Variants in ITLN2 observed in about 807,000 individuals in gnomAD.
ITLN2 encodes intelectin-2.
Under a neutral mutation model 39.4 loss-of-function variants are expected in ITLN2, and 29 were observed. The observed-to-expected ratio is 0.74, with a 90% CI of 0.55 to 1.00. The LOEUF is 1.00. Ranked by LOEUF, ITLN2 falls within the 50% of genes least tolerant of loss-of-function variation. ITLN2 has a pLI of 0.00. For synonymous variants in ITLN2, 156 were observed against 153.4 expected (o/e 1.02, Z -0.12); for missense variants, 412 against 416.7 (o/e 0.99, Z 0.10).
At chr1:160,954,321 C>T in intron 2 of ITLN2, 66 bp downstream of exon 2, 2 of 1,222,896 alleles carry the variant, frequency 1.6e-6, no homozygotes, top group South Asian at 1.3e-5. Flanking sequence ...GCTCTACTCC[C>T]TCCAGGCCCT....
intron 4 of ITLN2, 50 bp downstream of exon 4, chr1:160,950,993 C>T (rs1334800989): frequency 6.2e-7 from 1 of 1,613,990 alleles, no homozygotes; most frequent in Admixed American, 1.7e-5. Flanking sequence ...TGGTGGCCAG[C>T]CACACTCCAC....
At chr1:160,950,810 A>T in intron 4 of ITLN2, 99 bp from the exon 5 acceptor site, 2 of 1,531,242 alleles carry the variant, frequency 1.3e-6, no homozygotes, top group Non-Finnish European at 1.8e-6. Flanking sequence ...CTCTGGGATC[A>T]GTAGGCAGAT....
In ITLN2 at chr1:160,951,196, G is replaced by A. The variant is rs778644686; in HGVS notation, c.288C>T (p.Ser96=). ...SGGGGWTLVA[S]VHENDMRGKC... Reference sequence around the variant, plus strand: ...TCCCACGCATGTCATTCTCGTGCACGCTGGCCACCAGGGTCCAGCCGCCAC... The same window carrying A: ...TCCCACGCATGTCATTCTCGTGCACACTGGCCACCAGGGTCCAGCCGCCAC... The change falls in exon 4 of 8, where the codon AGC becomes AGT. Residue 96 remains serine (S), a synonymous_variant. Transcript: ENST00000368029. The A allele has an allele frequency of 1.2e-5, 20 of 1,613,896 alleles. No individual in the cohort carries two copies. Among genetic ancestry groups the A allele is most frequent in the Admixed American group, 3.3e-5 (2 of 59,990 alleles).
intron 2 of ITLN2, among the ~76,000 whole-genome samples, chr1:160,953,377 A>C (rs1671788606): frequency 6.6e-6 from 1 of 152,204 alleles, no homozygotes; most frequent in South Asian, 2.1e-4. Flanking sequence ...AAAGCCTAGA[A>C]ATCATTCCAA....
At chr1:160,950,773 C>T (rs1486105302) in intron 4 of ITLN2, 62 bp from the exon 5 acceptor site, 26 of 1,568,762 alleles carry the variant, frequency 1.7e-5, no homozygotes, top group Middle Eastern at 2.0e-4. Context: ...AGAAGGTCCA[C>T]ATGTGCAGCC....
At chr1:160,953,749 C>G (rs1671801114) in intron 2 of ITLN2, among the ~76,000 whole-genome samples, 1 of 152,028 alleles carries the variant, frequency 6.6e-6, no homozygotes, top group Non-Finnish European at 1.5e-5. Flanking sequence ...AAAATCCAGA[C>G]AAACCCTGAT....
rs552414777 is a variant in ITLN2 at position 160,951,680 on chromosome 1, C to A, written c.194-390G>T. Among the ~76,000 whole-genome samples the A allele has an allele frequency of 1.2e-3, 182 of 152,342 alleles. 9 individuals carry two copies. The South Asian group carries it at 0.037, about 31-fold the overall frequency. On this transcript the variant is annotated intron_variant, in intron 3 of 7. Coordinates refer to ENST00000368029, the MANE Select transcript of ITLN2 (RefSeq NM_080878.3). ...CTTCATAAGATTCAGCTTCCCTAAGCTCAGAGTTCCCCTCCTGTTCACAAG... is the reference window on the plus strand; with the variant it reads ...CTTCATAAGATTCAGCTTCCCTAAGATCAGAGTTCCCCTCCTGTTCACAAG...
At chr1:160,954,221 C>A (rs1671813089) in intron 2 of ITLN2, among the ~76,000 whole-genome samples, 166 bp downstream of exon 2, 1 of 152,156 alleles carries the variant, frequency 6.6e-6, no homozygotes, top group South Asian at 2.1e-4. Context: ...GAAATCAGCA[C>A]CCAGTCCACA....
chr1:160,950,564 C>A lies in ITLN2; in HGVS notation c.589G>T (p.Gly197Cys). 6.2e-7 allele frequency: 1 copy of A among 1,613,928 alleles called. No individual in the cohort carries two copies. The highest frequency in any genetic ancestry group is 1.1e-5 in the South Asian group (1 of 91,048). The part of the protein sequence containing the change: ...FLQRLGHNLF[G>C]IYQKYPVKYR... Reference sequence around the variant, plus strand: ...GCAGCCCTGTGTACCTGGTAGATGCCAAACAGATTATGTCCCAGTCTCTGG... The same window carrying A: ...GCAGCCCTGTGTACCTGGTAGATGCAAAACAGATTATGTCCCAGTCTCTGG... Residue 197 changes from glycine (G) to cysteine (C), a missense_variant, in exon 5 of 8, where the codon GGC becomes TGC. Coordinates refer to ENST00000368029, the MANE Select transcript of ITLN2 (RefSeq NM_080878.3).
In ITLN2 at chr1:160,950,554, T is replaced by C. The variant is rs1570973542; in HGVS notation, c.599A>G (p.Gln200Arg). 6.2e-7 allele frequency: 1 copy of C among 1,613,676 alleles called. No individual in the cohort carries two copies. The highest frequency in any genetic ancestry group is 8.5e-7 in the Non-Finnish European group (1 of 1,179,702). ...CCCCCAGCCAGCAGCCCTGTGTACC[T>C]GGTAGATGCCAAACAGATTATGTCC... ...RLGHNLFGIY[Q>R]KYPVKYRSGK... Residue 200 changes from glutamine to arginine, a missense_variant and splice_region_variant, in exon 5 of 8, where the codon CAG (glutamine) becomes CGG (arginine). Gln to Arg is a conservative substitution (Grantham distance 43). Coordinates refer to ENST00000368029, the MANE Select transcript of ITLN2 (RefSeq NM_080878.3).
At position 160,950,647 on chromosome 1, in the gene ITLN2, G is replaced by C; in HGVS notation, c.506C>G (p.Pro169Arg). 1.2e-6 allele frequency: 2 copies of C among 1,614,208 alleles called. No homozygotes were observed. Among genetic ancestry groups the C allele is most frequent in the Non-Finnish European group, 1.7e-6 (2 of 1,180,026 alleles). The change falls in exon 5 of 8, where the codon CCC becomes CGC. Residue 169 changes from proline (P) to arginine (R), a missense_variant. Physicochemically the swap from Pro to Arg is moderately radical, Grantham distance 103. Transcript: ENST00000368029. Reference sequence around the variant, plus strand: ...GGCGCTGTTTCTCCAATGCTGCATGGGGGACTTGTTGGGCACATGCCAGAT... The same window carrying C: ...GGCGCTGTTTCTCCAATGCTGCATGCGGGACTTGTTGGGCACATGCCAGAT... ...LGIWHVPNKS[P>R]MQHWRNSALL...
intron 4 of ITLN2, 119 bp downstream of exon 4, chr1:160,950,924 C>A: frequency 6.4e-7 from 1 of 1,567,060 alleles, no homozygotes; most frequent in Non-Finnish European, 8.7e-7. Context: ...TCCTGTATTT[C>A]TCTCTTCTTC....
At chr1:160,948,877 C>A (rs568534020) in intron 6 of ITLN2, 1 of 151,968 alleles carries the variant, frequency 6.6e-6, no homozygotes, top group African/African-American at 2.4e-5. Flanking sequence ...TTGGGTGGAA[C>A]GAGAGACTGA....
At chr1:160,949,830 G>A in intron 6 of ITLN2, 1 of 517,926 alleles carries the variant, frequency 1.9e-6, no homozygotes, top group Non-Finnish European at 3.5e-6. Flanking sequence ...AGAAACCTGG[G>A]ATTACGTGCT....
chr1:160,951,306 G>GC lies in ITLN2; in HGVS notation c.194-17dup, dbSNP rs777544276. 1.9e-6 allele frequency: 3 copies of GC among 1,554,252 alleles called. No homozygotes were observed. The highest frequency in any genetic ancestry group is 1.7e-6 in the Non-Finnish European group (2 of 1,148,332). ...TACAGGCCATCTGTAGAGAGAACCAGCCCAGAGCCTCCCTGTCTGAGAGCT... is the reference window on the plus strand; with the variant it reads ...TACAGGCCATCTGTAGAGAGAACCAGCCCCAGAGCCTCCCTGTCTGAGAGCT... On this transcript the variant is annotated splice_polypyrimidine_tract_variant and intron_variant, in intron 3 of 7. Coordinates refer to ENST00000368029, the MANE Select transcript of ITLN2 (RefSeq NM_080878.3).
intron 3 of ITLN2, 118 bp from the exon 4 acceptor site, chr1:160,951,408 T>G: frequency 7.4e-7 from 1 of 1,350,452 alleles, no homozygotes; most frequent in South Asian, 1.5e-5. Context: ...AACACATACT[T>G]GCTGGAAGAC....
intron 1 of ITLN2, 88 bp downstream of exon 1, chr1:160,954,639 C>T (rs985785434): frequency 2.0e-5 from 30 of 1,508,412 alleles, no homozygotes; most frequent in Non-Finnish European, 2.5e-5. Flanking sequence ...GCCATGGGCT[C>T]ATTTCCCTGA....
rs375483594 is a variant in ITLN2 at position 160,951,255 on chromosome 1, C to A, written c.229G>T (p.Val77Phe). The change falls in exon 4 of 8, where the codon GTC becomes TTC. Residue 77 changes from valine to phenylalanine, a missense_variant. Val to Phe is a conservative substitution (Grantham distance 50). Coordinates refer to ENST00000368029, the MANE Select transcript of ITLN2 (RefSeq NM_080878.3). ...LYFLRTKNGVVYQTFCDMTSG... is the reference protein window; with the variant it reads ...LYFLRTKNGVFYQTFCDMTSG... ...GTCATGTCACAGAAGGTCTGGTAGA[C>A]AACACCATTCTTGGTGCGGAGAAAA... 6.2e-6 allele frequency: 10 copies of A among 1,603,114 alleles called. No homozygotes were observed. The South Asian group carries it at 6.7e-5, about 11-fold the overall frequency.
At chr1:160,953,300 A>T (rs1344341057) in intron 2 of ITLN2, among the ~76,000 whole-genome samples, 4 of 152,196 alleles carry the variant, frequency 2.6e-5, no homozygotes, top group Non-Finnish European at 4.4e-5. Flanking sequence ...TAATACAAAG[A>T]AGTCTGGAAA....
Sources: allele counts gnomAD v4.1 joint callset (sites outside exome capture counted in the v4.1 genomes callset), GRCh38; gene constraint gnomAD v4.1.1; transcripts MANE v1.5; gene names NCBI Gene and HGNC (gene_info 2026-07-23, HGNC 2026-07-21).